The following TK1 variants were observed in gnomAD, a reference collection of about 807,000 sequenced individuals.
TK1 encodes thymidine kinase, cytosolic.
In TK1, 13 loss-of-function variants were observed where a neutral mutation model predicts 22.4. The observed-to-expected ratio is 0.58, with a 90% CI of 0.38 to 0.92. TK1 has a LOEUF of 0.92. Among genes scored for constraint, TK1 ranks in the 40% least tolerant of loss-of-function variants. The pLI, the probability that TK1 is intolerant of heterozygous loss-of-function variation, is 0.00. For missense variants in TK1, 251 were observed against 315.7 expected (o/e 0.80, Z 1.55); for synonymous variants, 134 against 125.4 (o/e 1.07, Z -0.46).
In TK1 at chr17:78,176,132, G is replaced by A. The variant is rs550567248; in HGVS notation, c.304-514C>T. On this transcript the variant is annotated intron_variant, in intron 4 of 6. Transcript: ENST00000301634. Reference sequence around the variant, plus strand: ...TGCTCTTGCCTCCCCCGTTTTAAACGGGTAATGTGCCTTGAGAAGGGGCGG... The same window carrying A: ...TGCTCTTGCCTCCCCCGTTTTAAACAGGTAATGTGCCTTGAGAAGGGGCGG... Among the ~76,000 whole-genome samples the A allele has an allele frequency of 5.3e-5, 8 of 152,258 alleles. No individual in the cohort carries two copies. The East Asian group carries it at 7.7e-4, about 15-fold the overall frequency.
intron 4 of TK1, among the ~76,000 whole-genome samples, chr17:78,180,028 G>A (rs530955648): frequency 4.1e-4 from 63 of 152,246 alleles, no homozygotes; most frequent in African/African-American, 1.4e-3. Flanking sequence ...CCGAGACTGC[G>A]CCACTGCACT....
chr17:78,186,308 G>A (rs1362940317), intron 2 of TK1, among the ~76,000 whole-genome samples: 1 of 152,212 alleles, frequency 6.6e-6, no homozygotes, highest in East Asian at 1.9e-4. Context: ...AGCCCCACCC[G>A]GGTCAGGGAA....
At chr17:78,186,642 G>A in intron 2 of TK1, 145 bp downstream of exon 2, 1 of 838,282 alleles carries the variant, frequency 1.2e-6, no homozygotes, top group Non-Finnish European at 1.8e-6. Context: ...AGCTGTAGGA[G>A]GCTGTGCTGG....
At chr17:78,184,995 C>T in intron 3 of TK1, 60 bp downstream of exon 3, 1 of 1,272,226 alleles carries the variant, frequency 7.9e-7, no homozygotes, top group Non-Finnish European at 1.1e-6. Context: ...AGAGTCCTAA[C>T]AGTGTGTCCT....
In TK1 at chr17:78,177,632, G is replaced by A. The variant is rs149040583; in HGVS notation, c.304-2014C>T. 5.8e-4 allele frequency among the ~76,000 whole-genome samples: 87 copies of A among 150,964 alleles called. No homozygotes were observed. In the East Asian group the frequency reaches 0.015, roughly 27 times the overall value. On this transcript the variant is annotated intron_variant, in intron 4 of 6. Transcript: ENST00000301634. ...TCTGTCGCCCAGGCTGGAGTGCAGT[G>A]GCGTGATCTCAGCTCACTGCAAGCT...
At chr17:78,176,810 G>A (rs7217042) in intron 4 of TK1, among the ~76,000 whole-genome samples, 13,379 of 152,172 alleles carry the variant, frequency 0.088, 899 homozygotes, top group African/African-American at 0.18. Flanking sequence ...GTTGGGCTGC[G>A]TCCCTCGCCC....
chr17:78,185,256 C>G, intron 2 of TK1, 91 bp from the exon 3 acceptor site: 1 of 951,526 alleles, frequency 1.1e-6, no homozygotes, highest in Admixed American at 2.0e-5. Context: ...CTCATTGTCC[C>G]TAGTGGTATG....
At chr17:78,179,431 C>T (rs552739282) in intron 4 of TK1, 48 of 985,418 alleles carry the variant, frequency 4.9e-5, no homozygotes, top group South Asian at 2.3e-4. Flanking sequence ...AGGTCAGAAA[C>T]GGAATGGCCA....
At chr17:78,187,152 CG>C, upstream of TK1, 1 of 966,120 alleles carries the variant, frequency 1.0e-6, no homozygotes, top group Non-Finnish European at 1.6e-6. Context: ...GCTGACCTGG[CG>C]GGAGATTTGG....
At chr17:78,186,661 G>GGGGAA (rs373958704) in intron 2 of TK1, 126 bp downstream of exon 2, 15 of 962,704 alleles carry the variant, frequency 1.6e-5, no homozygotes, top group African/African-American at 1.1e-4. Flanking sequence ...GGTCCTTCTA[G>GGGGAA]GGGAAGGGAA....
In TK1 at chr17:78,174,907, C is replaced by T. The variant is rs1479207080; in HGVS notation, c.557G>A (p.Arg186Gln). 5.0e-6 allele frequency: 8 copies of T among 1,613,912 alleles called. No individual in the cohort carries two copies. The highest frequency in any genetic ancestry group is 6.8e-6 in the Non-Finnish European group (8 of 1,179,862). Residue 186 changes from arginine (R) to glutamine (Q), a missense_variant, in exon 7 of 7, where the codon CGG (arginine) becomes CAG (glutamine). Coordinates refer to ENST00000301634, the MANE Select transcript of TK1 (RefSeq NM_003258.5). ...TGAGGCCTTCTTGAAGTAGCAGAGC[C>T]GACACACGGAGTGGTACTTGTCTGC... Reference protein sequence around the residue: ...GGADKYHSVCRLCYFKKASGQ... With the variant: ...GGADKYHSVCQLCYFKKASGQ...
At chr17:78,178,386 G>A (rs924237545) in intron 4 of TK1, among the ~76,000 whole-genome samples, 4 of 152,132 alleles carry the variant, frequency 2.6e-5, no homozygotes, top group African/African-American at 9.7e-5. Context: ...GTGAGCACCT[G>A]TGTGTCTCGC....
chr17:78,186,739 C>A, intron 2 of TK1, 48 bp downstream of exon 2: 7 of 1,537,372 alleles, frequency 4.6e-6, no homozygotes, highest in Non-Finnish European at 6.1e-6. Context: ...GACAAGGGGT[C>A]CCCGGAGAAG....
chr17:78,178,806 G>A (rs1460126914), intron 4 of TK1, among the ~76,000 whole-genome samples: 3 of 151,372 alleles, frequency 2.0e-5, no homozygotes, highest in African/African-American at 7.4e-5. Flanking sequence ...CACCACGCCT[G>A]GCTAATTTTT....
rs1368247257 is a variant in TK1 at position 78,180,778 on chromosome 17, C to T, written c.303+1811G>A. The stretch of plus-strand genomic sequence containing the variant: ...TACCTGAAGTGATAATGGCTTCATT[C>T]CTTCCCCAGAAATGAAAAGGCACAC... On this transcript the variant is annotated intron_variant, in intron 4 of 6. Coordinates refer to ENST00000301634, the MANE Select transcript of TK1 (RefSeq NM_003258.5). Among the ~76,000 whole-genome samples the T allele has an allele frequency of 3.9e-5, 6 of 152,314 alleles. 1 individual carries two copies. Among genetic ancestry groups the T allele is most frequent in the African/African-American group, 1.4e-4 (6 of 41,576 alleles).
At chr17:78,181,767 T>G (rs981651269) in intron 4 of TK1, among the ~76,000 whole-genome samples, 2 of 147,196 alleles carry the variant, frequency 1.4e-5, no homozygotes, top group African/African-American at 2.5e-5. Context: ...CACCTCCCCC[T>G]TTTTTTTTTG....
Position 78,174,684 on chromosome 17 carries a change from T to C in TK1, c.*75A>G, listed in dbSNP as rs951434725. 6 of 1,464,862 alleles carry C rather than the reference T, an allele frequency of 4.1e-6. No homozygotes were observed. Among genetic ancestry groups the C allele is most frequent in the African/African-American group, 1.4e-5 (1 of 70,620 alleles). The allele number at this position is 1,464,862 out of a possible 1,614,324, so 90.7% of individuals were successfully genotyped here. A position where few individuals can be genotyped will look rare whatever the true frequency, so the allele number is the denominator to read the frequency against. On this transcript the variant is annotated 3_prime_UTR_variant, in exon 7 of 7. Transcript: ENST00000301634. ...CACGCCTCCCGACTTCCTCCTGGAG[T>C]GGCTGGGCAGCATGCAGGGCAGCGT...
At chr17:78,180,627 A>G (rs1305667489) in intron 4 of TK1, among the ~76,000 whole-genome samples, 1 of 152,190 alleles carries the variant, frequency 6.6e-6, no homozygotes, top group African/African-American at 2.4e-5. Flanking sequence ...AAATAACCCA[A>G]CAGTAACTTG....
intron 4 of TK1, 106 bp downstream of exon 4, chr17:78,182,483 C>G: frequency 1.2e-6 from 1 of 867,556 alleles, no homozygotes; most frequent in East Asian, 2.8e-5. Flanking sequence ...GCTATTTAAC[C>G]TTGTTATTTT....
Sources: gnomAD v4.1 joint callset for allele counts (sites outside exome capture counted in the v4.1 genomes callset) on GRCh38, gnomAD v4.1.1 for gene constraint, MANE v1.5 for transcripts, NCBI Gene and HGNC (gene_info 2026-07-23, HGNC 2026-07-21) for gene names.